Variants in CERK observed in about 807,000 individuals in gnomAD.
CERK encodes ceramide kinase.
A neutral mutation model predicts 63.4 loss-of-function variants in CERK; 39 were observed. The ratio of observed to expected loss-of-function variants is 0.61; its 90% CI spans 0.48 to 0.80. CERK has a LOEUF of 0.80. CERK is among the 30% of genes least tolerant of loss of function. The probability of loss-of-function intolerance (pLI) is 0.00; values close to 1 mark genes in which losing one functional copy is unlikely to be tolerated. For missense variants in CERK, 670 were observed against 714.1 expected, an observed-to-expected ratio of 0.94 and a Z score of 0.70; for synonymous variants, 302 against 280.0, an observed-to-expected ratio of 1.08 and a Z score of -0.78.
intron 6 of CERK, among the ~76,000 whole-genome samples, chr22:46,702,785 T>G (rs1421687020): frequency 6.6e-6 from 1 of 152,240 alleles, no homozygotes; most frequent in Non-Finnish European, 1.5e-5. Context: ...AAGCTGCAGC[T>G]GCCCCGGCTG....
intron 2 of CERK, among the ~76,000 whole-genome samples, chr22:46,720,603 G>A (rs755826812): frequency 2.1e-4 from 32 of 152,130 alleles, no homozygotes; most frequent in Non-Finnish European, 4.6e-4. Flanking sequence ...GGCTGAGGCA[G>A]GAGAATTGCT....
At chr22:46,693,402 A>G in intron 10 of CERK, 25 bp downstream of exon 10, 2 of 1,603,712 alleles carry the variant, frequency 1.2e-6, no homozygotes, top group Non-Finnish European at 1.7e-6. Context: ...CAGTGACAAC[A>G]CTGAGCCTGT....
At chr22:46,719,493 A>G (rs9616108) in intron 3 of CERK, among the ~76,000 whole-genome samples, 19,148 of 151,814 alleles carry the variant, frequency 0.13, 1,508 homozygotes, top group African/African-American at 0.22. Context: ...CCAACTTGGT[A>G]AAACCCCATC....
chr22:46,718,235 T>C (rs2082875627), intron 3 of CERK, among the ~76,000 whole-genome samples: 1 of 152,148 alleles, frequency 6.6e-6, no homozygotes, highest in South Asian at 2.1e-4. Context: ...TGAACCCACA[T>C]TCTCCAGTGG....
chr22:46,693,150 A>G (rs1342121859), intron 10 of CERK, among the ~76,000 whole-genome samples: 1 of 152,126 alleles, frequency 6.6e-6, no homozygotes, highest in Non-Finnish European at 1.5e-5. Flanking sequence ...CCCACATTCT[A>G]GAGCACCTGG....
At chr22:46,733,903 G>A (rs995679143) in intron 1 of CERK, among the ~76,000 whole-genome samples, 3 of 151,864 alleles carry the variant, frequency 2.0e-5, no homozygotes, top group Admixed American at 6.6e-5. Context: ...TTAGCTGGTG[G>A]CAGGTGCCCA....
At chr22:46,690,945 A>ATATG (rs141792806) in intron 11 of CERK, among the ~76,000 whole-genome samples, 8 of 152,094 alleles carry the variant, frequency 5.3e-5, no homozygotes, top group African/African-American at 1.4e-4. Context: ...ATGTGTGTGT[A>ATATG]TATGTATGTA....
intron 8 of CERK, 136 bp from the exon 9 acceptor site, chr22:46,695,451 G>C (rs1184913669): frequency 1.5e-6 from 1 of 670,736 alleles, no homozygotes; most frequent in East Asian, 2.7e-5. Flanking sequence ...GGCCGGGCCT[G>C]CTTCAGGCCA....
chr22:46,704,867 C>T (rs553955865), intron 6 of CERK, among the ~76,000 whole-genome samples: 31 of 151,656 alleles, frequency 2.0e-4, no homozygotes, highest in African/African-American at 2.9e-4. Context: ...TCTTGCTTCC[C>T]CATGAGAACA....
Position 46,687,085 on chromosome 22 carries a change from C to T in CERK, c.*49G>A, listed in dbSNP as rs781640460. The T allele has an allele frequency of 1.4e-6, 2 of 1,466,372 alleles. No homozygotes were observed. Among genetic ancestry groups the T allele is most frequent in the South Asian group, 2.3e-5 (2 of 88,014 alleles). The allele number at this position is 1,466,372 out of a possible 1,614,324, so 90.8% of individuals were successfully genotyped here. ...AACATAATTGGTCTGTAATAATTAT[C>T]TTAAATAGTTTTCACACTTTCCCAG... On this transcript the variant is annotated 3_prime_UTR_variant, in exon 13 of 13. Transcript: ENST00000216264.
In CERK at chr22:46,707,969, C is replaced by T. The variant is rs772192423; in HGVS notation, c.589G>A (p.Asp197Asn). Residue 197 changes from aspartate to asparagine, a missense_variant, in exon 6 of 13, where the codon GAT becomes AAT. Asp to Asn is a conservative substitution (Grantham distance 23, BLOSUM62 1). Transcript: ENST00000216264. ...TGCAGCACCTCGCTGAACATACCAT[C>T]TCCGCCGACACAGACGATGCTGCAG... ...KYDGIVCVGG[D>N]GMFSEVLHGL... The T allele has an allele frequency of 2.5e-6, 4 of 1,610,772 alleles. No individual in the cohort carries two copies. Among genetic ancestry groups the T allele is most frequent in the Non-Finnish European group, 2.5e-6 (3 of 1,177,990 alleles).
intron 1 of CERK, among the ~76,000 whole-genome samples, chr22:46,727,142 TGAA>T (rs1165443184): frequency 6.6e-6 from 1 of 152,148 alleles, no homozygotes; most frequent in Non-Finnish European, 1.5e-5. Flanking sequence ...GCACGGATGA[TGAA>T]GAAAATCTCA....
intron 1 of CERK, among the ~76,000 whole-genome samples, chr22:46,730,194 G>T (rs903214641): frequency 4.6e-5 from 7 of 151,228 alleles, no homozygotes; most frequent in African/African-American, 1.7e-4. Context: ...AAGGCGGGCA[G>T]ATTGCCTGAG....
rs114811061 is a variant in CERK, at chr22:46,711,399, C to T, written c.506-250G>A. Among the ~76,000 whole-genome samples, 572 of 152,206 alleles carry T rather than the reference C, an allele frequency of 3.8e-3. 3 individuals carry two copies. Among genetic ancestry groups the T allele is most frequent in the African/African-American group, 0.012 (516 of 41,520 alleles). ...TGCAGCGTTCCTGGTATTTAATTGC[C>T]GGCAAATAATAATTTCTTTGAAAGA... On this transcript the variant is annotated intron_variant, in intron 4 of 12. Transcript: ENST00000216264.
chr22:46,720,021 TCACC>T, intron 3 of CERK, 61 bp downstream of exon 3: 2 of 1,570,538 alleles, frequency 1.3e-6, no homozygotes, highest in Non-Finnish European at 1.7e-6. Flanking sequence ...TTCAGGAAGA[TCACC>T]CAATCAGGCA....
At chr22:46,695,462 T>C (rs1267102574) in intron 8 of CERK, 147 bp from the exon 9 acceptor site, 6 of 659,854 alleles carry the variant, frequency 9.1e-6, no homozygotes, top group African/African-American at 1.8e-5. Context: ...CTTCAGGCCA[T>C]GTCACCATTG....
At chr22:46,691,054 CAT>C (rs1555982638) in intron 11 of CERK, among the ~76,000 whole-genome samples, 242 of 105,530 alleles carry the variant, frequency 2.3e-3, no homozygotes, top group African/African-American at 7.1e-3. Flanking sequence ...TGTATACATA[CAT>C]ACACACACAC....
intron 1 of CERK, among the ~76,000 whole-genome samples, chr22:46,725,807 T>G (rs577835194): frequency 6.6e-6 from 1 of 152,352 alleles, no homozygotes; most frequent in Non-Finnish European, 1.5e-5. Context: ...ACTCCCTCTC[T>G]GCAGACCACT....
rs565573555 is a variant in CERK, at chr22:46,726,991, T to C, written c.143-5976A>G. ...TCGTCTTTTATGGGAAACCTTCTGATTGTAAAACATTAGCTACAATTTTAA... is the reference window on the plus strand; with the variant it reads ...TCGTCTTTTATGGGAAACCTTCTGACTGTAAAACATTAGCTACAATTTTAA... On this transcript the variant is annotated intron_variant, in intron 1 of 12. Coordinates refer to ENST00000216264, the MANE Select transcript of CERK (RefSeq NM_022766.6). Among the ~76,000 whole-genome samples the C allele has an allele frequency of 7.2e-5, 11 of 152,336 alleles. No individual in the cohort carries two copies. In the South Asian group the frequency reaches 1.2e-3, roughly 17 times the overall value.
Sources: gnomAD v4.1 joint callset for allele counts (sites outside exome capture counted in the v4.1 genomes callset) on GRCh38, gnomAD v4.1.1 for gene constraint, MANE v1.5 for transcripts, NCBI Gene and HGNC (gene_info 2026-07-23, HGNC 2026-07-21) for gene names.